MUC4: variants seen among roughly 807,000 people sequenced by gnomAD.
MUC4 encodes mucin-4.
Under a neutral mutation model 257.9 loss-of-function variants are expected in MUC4, and 202 were observed. The ratio of observed to expected loss-of-function variants is 0.78; its 90% CI spans 0.70 to 0.88. The LOEUF (loss-of-function observed/expected upper bound fraction) is 0.88, where lower values mean the gene tolerates loss of function less well. MUC4 is among the 40% of genes least tolerant of loss of function. The probability of loss-of-function intolerance (pLI) is 0.00; values close to 1 mark genes in which losing one functional copy is unlikely to be tolerated. For synonymous variants in MUC4, 2,351 were observed against 2,757.1 expected, an observed-to-expected ratio of 0.85 and a Z score of 4.62; for missense variants, 5,976 against 6,513.7, an observed-to-expected ratio of 0.92 and a Z score of 2.84.
In MUC4 at chr3:195,768,621, G is replaced by A. The variant is rs140374279; in HGVS notation, c.13529+401C>T. ...TCTCAGTTTCCTGATCTGTAGAATGGGGATGATAAATAGTATCTGCCTCGT... is the reference window on the plus strand; with the variant it reads ...TCTCAGTTTCCTGATCTGTAGAATGAGGATGATAAATAGTATCTGCCTCGT... On this transcript the variant is annotated intron_variant, in intron 7 of 24. Coordinates refer to ENST00000463781, the MANE Select transcript of MUC4 (RefSeq NM_018406.7). Among the ~76,000 whole-genome samples, 132 of 152,336 alleles carry A rather than the reference G, an allele frequency of 8.7e-4. 1 individual carries two copies. The highest frequency in any genetic ancestry group is 3.0e-3 in the African/African-American group (123 of 41,582).
intron 1 of MUC4, among the ~76,000 whole-genome samples, chr3:195,793,552 A>G (rs1734153144): frequency 6.6e-6 from 1 of 152,140 alleles, no homozygotes; most frequent in Admixed American, 6.6e-5. Context: ...ATGGGGGTGC[A>G]GGATTCCCAC....
Position 195,757,069 on chromosome 3 carries a change from C to T in MUC4, c.15168+78G>A, listed in dbSNP as rs1429796404. 10 of 1,447,650 alleles carry T rather than the reference C, an allele frequency of 6.9e-6. No individual in the cohort carries two copies. Among genetic ancestry groups the T allele is most frequent in the Non-Finnish European group, 8.5e-6 (9 of 1,053,314 alleles). The allele number at this position is 1,447,650 out of a possible 1,614,324, so 89.7% of individuals were successfully genotyped here. On this transcript the variant is annotated intron_variant, in intron 18 of 24. Transcript: ENST00000463781. The surrounding 1 kb of genome is among the most constrained non-coding windows in gnomAD (Gnocchi z 4.8). ...CCAACACAGACACACCCAGGACAGG[C>T]AGAATCACAGCATCCATTCCACTCC... is the stretch of plus-strand genomic sequence containing the variant.
At chr3:195,773,364 A>G (rs1423808398) in intron 4 of MUC4, among the ~76,000 whole-genome samples, 14 of 148,770 alleles carry the variant, frequency 9.4e-5, no homozygotes, top group Admixed American at 9.3e-4. Context: ...GGGTGTAGAC[A>G]CCCTCTCTCC....
intron 5 of MUC4, among the ~76,000 whole-genome samples, 169 bp downstream of exon 5, chr3:195,771,483 G>GA (rs944512412): frequency 4.0e-5 from 6 of 150,676 alleles, no homozygotes; most frequent in African/African-American, 1.5e-4. Context: ...GGGTACTCCT[G>GA]AGTCAGCTTA....
chr3:195,783,626 C>G lies in MUC4; in HGVS notation c.7954G>C (p.Gly2652Arg). 5.4e-6 allele frequency: 2 copies of G among 370,506 alleles called. No individual in the cohort carries two copies. The highest frequency in any genetic ancestry group is 9.3e-6 in the Non-Finnish European group (2 of 214,998). The allele number at this position is 370,506 out of a possible 1,614,324, so 23.0% of individuals were successfully genotyped here. A position where few individuals can be genotyped will look rare whatever the true frequency, so the allele number is the denominator to read the frequency against. The change falls in exon 2 of 25, where the codon GGT becomes CGT. Residue 2652 changes from glycine (G) to arginine (R), a missense_variant. Gly to Arg is a moderately radical substitution (Grantham distance 125). This residue lies in a region of MUC4 where 75 missense variants were observed against 58.7 expected (regional missense o/e 1.28). Coordinates refer to ENST00000463781, the MANE Select transcript of MUC4 (RefSeq NM_018406.7). ...LVTDASSAST[G>R]QATPLPVTSL... ...GTGACAGGAAGAGGGGTGGCCTGACCTGTGGATGCTGAGGAAGCGTCGGTG... is the reference window on the plus strand; with the variant it reads ...GTGACAGGAAGAGGGGTGGCCTGACGTGTGGATGCTGAGGAAGCGTCGGTG...
rs1038485790 is a variant in MUC4 at position 195,752,513 on chromosome 3, C to T, written c.15509-67G>A. The T allele has an allele frequency of 9.2e-6, 13 of 1,415,844 alleles. No individual in the cohort carries two copies. The East Asian group carries it at 1.6e-4, about 17-fold the overall frequency. The allele number at this position is 1,415,844 out of a possible 1,614,324, so 87.7% of individuals were successfully genotyped here. On this transcript the variant is annotated intron_variant, in intron 20 of 24. Coordinates refer to ENST00000463781, the MANE Select transcript of MUC4 (RefSeq NM_018406.7). The stretch of plus-strand genomic sequence containing the variant: ...ACCCAGACTTACCCAAAAAGTCTGT[C>T]GGGCCAGCCCAAGTTGACTGCTCCA...
At position 195,789,347 on chromosome 3, in the gene MUC4, C is replaced by A; in HGVS notation, c.2233G>T (p.Val745Leu). The A allele has an allele frequency of 6.2e-7, 1 of 1,613,932 alleles. No homozygotes were observed. The highest frequency in any genetic ancestry group is 8.5e-7 in the Non-Finnish European group (1 of 1,179,884). Residue 745 changes from valine to leucine, a missense_variant, in exon 2 of 25, where the codon GTG becomes TTG. Physicochemically the swap from Val to Leu is conservative, Grantham distance 32. Around this residue, in one of 44 missense-constraint regions of MUC4, gnomAD observed 1,583 missense variants for 1,257.4 expected, o/e 1.26. Coordinates refer to ENST00000463781, the MANE Select transcript of MUC4 (RefSeq NM_018406.7). Reference protein sequence around the residue: ...TGALTLANSVVSTPGGPEGQW... With the variant: ...TGALTLANSVLSTPGGPEGQW... The stretch of plus-strand genomic sequence containing the variant: ...CCTTCTGGGCCCCCTGGTGTTGACA[C>A]TACAGAGTTGGCCAGAGTAAGGGCA...
Position 195,789,440 on chromosome 3 carries a change from G to A in MUC4, c.2140C>T (p.Gln714Ter). Residue 714 changes from glutamine (Q) to a stop codon, truncating the protein, a stop_gained, in exon 2 of 25, where the codon CAG becomes TAG. Transcript: ENST00000463781. LOFTEE classifies it high-confidence loss of function. ...GCATCATGGCTGCTGGGTGCTGCCT[G>A]CAGTGCTGTGGTCGGGGCCTGGGTT... ...HTTQAPTTALQAAPSSHDATL... is the reference protein window; with the variant it reads ...HTTQAPTTAL The A allele has an allele frequency of 6.2e-7, 1 of 1,613,946 alleles. No individual in the cohort carries two copies. Among genetic ancestry groups the A allele is most frequent in the Non-Finnish European group, 8.5e-7 (1 of 1,179,870 alleles).
At chr3:195,778,170 T>C (rs1203955302) in intron 3 of MUC4, 133 bp downstream of exon 3, 2 of 1,223,854 alleles carry the variant, frequency 1.6e-6, no homozygotes, top group Non-Finnish European at 2.2e-6. Flanking sequence ...CAGGAGCGAC[T>C]CCGATGCTGT....
At chr3:195,794,558 T>C (rs1443986021) in intron 1 of MUC4, among the ~76,000 whole-genome samples, 1 of 152,142 alleles carries the variant, frequency 6.6e-6, no homozygotes, top group Non-Finnish European at 1.5e-5. Context: ...GGTGGAATCT[T>C]GCTATGTTGC....
In MUC4 at chr3:195,755,863, C is replaced by G. The variant is rs1353625693; in HGVS notation, c.15168+1284G>C. Among the ~76,000 whole-genome samples the G allele has an allele frequency of 2.0e-5, 3 of 151,970 alleles. No homozygotes were observed. The highest frequency in any genetic ancestry group is 4.8e-5 in the African/African-American group (2 of 41,388). ...GCTTCAGAAGGATGTGTGTGTGTGT[C>G]TGTGTGTGCGTGTGCATGCGTGTGT... On this transcript the variant is annotated intron_variant, in intron 18 of 24. Transcript: ENST00000463781. The surrounding 1 kb of genome is among the most constrained non-coding windows in gnomAD (Gnocchi z 5.0).
intron 1 of MUC4, among the ~76,000 whole-genome samples, chr3:195,803,694 A>C (rs1250439927): frequency 6.6e-6 from 1 of 152,222 alleles, no homozygotes; most frequent in Non-Finnish European, 1.5e-5. Context: ...CAGGCAGGGA[A>C]ATTGAGATTT....
At position 195,746,797 on chromosome 3, in the gene MUC4, T is replaced by C; in HGVS notation, c.*379A>G. 1 of 284,556 alleles carries C rather than the reference T, an allele frequency of 3.5e-6. No homozygotes were observed. Among genetic ancestry groups the C allele is most frequent in the East Asian group, 5.9e-5 (1 of 16,998 alleles). 17.6% of individuals were successfully genotyped at this position (284,556 alleles called of 1,614,324 possible). ...GACACAAAAAGTCAGAGAGACTTTA[T>C]TTAAATAGAGTTAATTTGAAGTAAA... On this transcript the variant is annotated 3_prime_UTR_variant, in exon 25 of 25. Coordinates refer to ENST00000463781, the MANE Select transcript of MUC4 (RefSeq NM_018406.7).
intron 1 of MUC4, among the ~76,000 whole-genome samples, chr3:195,808,374 C>T (rs1267285687): frequency 6.6e-6 from 1 of 152,266 alleles, no homozygotes; most frequent in African/African-American, 2.4e-5. Context: ...CGCCACCACG[C>T]CCGGCAAAAT....
chr3:195,751,037 C>T lies in MUC4; in HGVS notation c.15723G>A (p.Arg5241=), dbSNP rs1342529743. The T allele has an allele frequency of 4.3e-6, 7 of 1,613,706 alleles. No individual in the cohort carries two copies. The highest frequency in any genetic ancestry group is 2.7e-5 in the African/African-American group (2 of 74,822). The change falls in exon 23 of 25, where the codon CGG becomes CGA. Residue 5241 remains arginine, a synonymous_variant. Transcript: ENST00000463781. The part of the protein sequence containing the change: ...MVISEFQYRP[R]GPVIDFLNNQ... ...TGTTCAGGAAGTCAATGACCGGGCCCCGAGGGCGGTACTGGAACTCCGAGA... is the reference window on the plus strand; with the variant it reads ...TGTTCAGGAAGTCAATGACCGGGCCTCGAGGGCGGTACTGGAACTCCGAGA...
intron 1 of MUC4, among the ~76,000 whole-genome samples, chr3:195,811,145 ATATTTATTTATTTATTTATTTATTTATT>A (rs71885309): frequency 7.3e-6 from 1 of 136,702 alleles, no homozygotes; most frequent in Admixed American, 7.6e-5. Flanking sequence ...ATTTTATTTT[ATATTTATTTATTTATTTATTTATTTATT>A]TATTTATTTA....
chr3:195,811,236 C>T (rs1008242612), intron 1 of MUC4, among the ~76,000 whole-genome samples: 3 of 151,606 alleles, frequency 2.0e-5, no homozygotes, highest in East Asian at 1.9e-4. Flanking sequence ...TGCAGTGGCG[C>T]GATCTTGGCT....
chr3:195,773,179 G>T (rs1173915606), intron 4 of MUC4, among the ~76,000 whole-genome samples: 6 of 148,284 alleles, frequency 4.0e-5, no homozygotes, highest in African/African-American at 1.2e-4. Flanking sequence ...TCGCTCAGGG[G>T]TGCAGACACC....
rs1035462550 is a variant in MUC4, at chr3:195,811,848, G to A, written c.-31C>T. 6.2e-7 allele frequency: 1 copy of A among 1,609,796 alleles called. No individual in the cohort carries two copies. Among genetic ancestry groups the A allele is most frequent in the Admixed American group, 1.7e-5 (1 of 59,952 alleles). On this transcript the variant is annotated 5_prime_UTR_variant, in exon 1 of 25. Coordinates refer to ENST00000463781, the MANE Select transcript of MUC4 (RefSeq NM_018406.7). The stretch of plus-strand genomic sequence containing the variant: ...CGGCAAAAGTCCCCCTGGCTCCCTG[G>A]GGAAGCTCCACGGCCCAGCAGCTGC...
Sources: allele counts gnomAD v4.1 joint callset (sites outside exome capture counted in the v4.1 genomes callset), GRCh38; gene constraint gnomAD v4.1.1; regional missense constraint gnomAD v4.1.1; non-coding constraint Gnocchi (gnomAD v3.1); transcripts MANE v1.5; gene names NCBI Gene and HGNC (gene_info 2026-07-23, HGNC 2026-07-21).